Variants in TTC7A observed in about 807,000 individuals in gnomAD.
TTC7A encodes tetratricopeptide repeat domain 7A.
Under a neutral mutation model 103.7 loss-of-function variants are expected in TTC7A, and 110 were observed. The ratio of observed to expected loss-of-function variants is 1.06; its 90% CI spans 0.91 to 1.24. The LOEUF is 1.24. Ranked by LOEUF, TTC7A falls within the 50% of genes most tolerant of loss-of-function variation. The pLI, the probability that TTC7A is intolerant of heterozygous loss-of-function variation, is 0.00. For missense variants in TTC7A, 1,340 were observed against 1,116.3 expected (o/e 1.20, Z -2.86); for synonymous variants, 521 against 467.9 (o/e 1.11, Z -1.47).
intron 8 of TTC7A, among the ~76,000 whole-genome samples, chr2:46,997,569 A>G (rs1285653694): frequency 6.6e-6 from 1 of 152,188 alleles, no homozygotes; most frequent in Non-Finnish European, 1.5e-5. Context: ...AAGGTCATAT[A>G]CTAATAAGCC....
chr2:46,986,193 G>A (rs1674989294), intron 5 of TTC7A, among the ~76,000 whole-genome samples: 1 of 152,200 alleles, frequency 6.6e-6, no homozygotes, highest in Admixed American at 6.5e-5. Flanking sequence ...AAAGGGCTGT[G>A]GAGTCAGGCA....
chr2:47,072,762 C>T (rs187207289), intron 19 of TTC7A, among the ~76,000 whole-genome samples: 1 of 152,038 alleles, frequency 6.6e-6, no homozygotes, highest in Non-Finnish European at 1.5e-5. Context: ...AAACAGGGAT[C>T]AGTGGGACGG....
chr2:46,929,534 G>C (rs1381743370), intron 2 of TTC7A, among the ~76,000 whole-genome samples: 1 of 151,976 alleles, frequency 6.6e-6, no homozygotes, highest in Non-Finnish European at 1.5e-5. Flanking sequence ...ATAACATGTA[G>C]GTCAAATAAG....
intron 5 of TTC7A, 89 bp from the exon 6 acceptor site, chr2:46,993,361 G>C (rs545245187): frequency 2.3e-4 from 287 of 1,241,418 alleles, no homozygotes; most frequent in Middle Eastern, 1.5e-3. Flanking sequence ...CCAGCAGTCA[G>C]CTCCTCCTGG....
intron 3 of TTC7A, among the ~76,000 whole-genome samples, chr2:46,966,560 G>A (rs1341310581): frequency 6.7e-6 from 1 of 149,742 alleles, no homozygotes; most frequent in African/African-American, 2.5e-5. Context: ...CTAATTTTGT[G>A]AAGTCCCGTC....
chr2:46,920,854 G>A (rs371223046), intron 2 of TTC7A, among the ~76,000 whole-genome samples: 1 of 151,712 alleles, frequency 6.6e-6, no homozygotes, highest in African/African-American at 2.4e-5. Flanking sequence ...AAATGTGGCT[G>A]TCTACAAAAC....
At chr2:47,041,784 A>G (rs1681779552) in intron 15 of TTC7A, among the ~76,000 whole-genome samples, 1 of 151,656 alleles carries the variant, frequency 6.6e-6, no homozygotes, top group African/African-American at 2.4e-5. Flanking sequence ...ATATGAGTTT[A>G]CTATTAAACT....
At chr2:46,954,759 A>G (rs1671703162) in intron 2 of TTC7A, among the ~76,000 whole-genome samples, 1 of 151,904 alleles carries the variant, frequency 6.6e-6, no homozygotes, top group Non-Finnish European at 1.5e-5. Flanking sequence ...TTTAGTAGAG[A>G]CGGGTTTTAC....
intron 2 of TTC7A, 54 bp downstream of exon 2, chr2:46,950,580 G>A (rs868138750): frequency 4.5e-5 from 71 of 1,582,098 alleles, no homozygotes; most frequent in Admixed American, 1.3e-4. Context: ...GTCTTGCCTC[G>A]CATCTGTCCA....
At chr2:46,929,290 G>C (rs1669569046) in intron 2 of TTC7A, among the ~76,000 whole-genome samples, 1 of 152,148 alleles carries the variant, frequency 6.6e-6, no homozygotes, top group African/African-American at 2.4e-5. Flanking sequence ...TCTGAGACCA[G>C]CCTGGTCAAC....
intron 15 of TTC7A, among the ~76,000 whole-genome samples, chr2:47,043,254 G>A (rs1681958405): frequency 6.6e-6 from 1 of 152,210 alleles, no homozygotes; most frequent in Admixed American, 6.5e-5. Context: ...AAGTTCTGCA[G>A]TGAACTAGAG....
At position 47,011,795 on chromosome 2, in the gene TTC7A, T is replaced by A. The variant is rs543421770; in HGVS notation, c.1392+360T>A. On this transcript the variant is annotated intron_variant, in intron 11 of 19. Transcript: ENST00000319190. ...TCTGAGGCTTCAGATGACCTTAGCA[T>A]CCAATCTGCAAGGGCCTGCAAGGCG... Among the ~76,000 whole-genome samples the A allele has an allele frequency of 4.0e-3, 604 of 152,318 alleles. 4 individuals are homozygous for A. Among genetic ancestry groups the A allele is most frequent in the Admixed American group, 9.7e-3 (149 of 15,308 alleles).
At chr2:47,020,261 T>C (rs1679134643) in intron 11 of TTC7A, among the ~76,000 whole-genome samples, 1 of 152,186 alleles carries the variant, frequency 6.6e-6, no homozygotes, top group Non-Finnish European at 1.5e-5. Flanking sequence ...GTGGAGCCTG[T>C]CTGGGGCTTG....
chr2:47,048,972 C>T (rs1682594526), intron 16 of TTC7A, among the ~76,000 whole-genome samples: 1 of 152,178 alleles, frequency 6.6e-6, no homozygotes, highest in Admixed American at 6.5e-5. Flanking sequence ...GGAAGGGAGC[C>T]AGCCCTGAGC....
intron 1 of TTC7A, among the ~76,000 whole-genome samples, chr2:46,916,852 C>G (rs1239326317): frequency 6.6e-6 from 1 of 152,092 alleles, no homozygotes; most frequent in Non-Finnish European, 1.5e-5. Flanking sequence ...CCAGGCTGGT[C>G]TCTAACTGCT....
chr2:46,981,966 C>G (rs1300605340), intron 5 of TTC7A, among the ~76,000 whole-genome samples: 2 of 152,220 alleles, frequency 1.3e-5, no homozygotes, highest in African/African-American at 2.4e-5. Flanking sequence ...AGTCCTGCCC[C>G]AGCAGGACCC....
chr2:46,917,241 C>G, exon 2 of TTC7A: 1 of 694,966 alleles, frequency 1.4e-6, no homozygotes, highest in East Asian at 2.7e-5. Flanking sequence ...GCAATCCTCC[C>G]ACCACCTCCG....
intron 14 of TTC7A, among the ~76,000 whole-genome samples, chr2:47,026,466 C>A (rs1303623343): frequency 6.6e-6 from 1 of 152,180 alleles, no homozygotes; most frequent in African/African-American, 2.4e-5. Context: ...TGGAGACCAA[C>A]ACAGAAGCCA....
At chr2:47,041,218 T>A (rs1681707990) in intron 15 of TTC7A, among the ~76,000 whole-genome samples, 2 of 152,154 alleles carry the variant, frequency 1.3e-5, no homozygotes, top group African/African-American at 4.8e-5. Context: ...GCTCTGCTTG[T>A]CAGCTGTGGG....
Sources: allele counts gnomAD v4.1 joint callset (sites outside exome capture counted in the v4.1 genomes callset), GRCh38; gene constraint gnomAD v4.1.1; transcripts MANE v1.5; gene names NCBI Gene and HGNC (gene_info 2026-07-23, HGNC 2026-07-21).